Variants in TRPM3 observed in about 807,000 individuals in gnomAD.
TRPM3 encodes long transient receptor potential channel 3.
Under a neutral mutation model 181.2 loss-of-function variants are expected in TRPM3, and 77 were observed. The ratio of observed to expected loss-of-function variants is 0.42; its 90% CI spans 0.35 to 0.51. TRPM3 has a LOEUF of 0.51. Among genes scored for constraint, TRPM3 ranks in the 20% least tolerant of loss-of-function variants. The pLI, the probability that TRPM3 is intolerant of heterozygous loss-of-function variation, is 0.01. For synonymous variants in TRPM3, 745 were observed against 796.4 expected (o/e 0.94, Z 1.09); for missense variants, 1,759 against 2,196.7 (o/e 0.80, Z 3.98).
At chr9:71,106,204 C>T (rs2069512451) in intron 1 of TRPM3, among the ~76,000 whole-genome samples, 2 of 152,112 alleles carry the variant, frequency 1.3e-5, no homozygotes, top group African/African-American at 2.4e-5. Context: ...TTTCCTTTTG[C>T]TCAGTGATAC....
At chr9:71,335,048 A>G (rs996042828) in intron 1 of TRPM3, among the ~76,000 whole-genome samples, 20 of 152,162 alleles carry the variant, frequency 1.3e-4, no homozygotes, top group Non-Finnish European at 2.9e-4. Flanking sequence ...AAATGCCATA[A>G]TGGAATGAAA....
At chr9:71,354,861 G>GCAAAGGTAAGTAGAGGCCTCAAATC (rs2132689244) in intron 1 of TRPM3, among the ~76,000 whole-genome samples, 1 of 152,310 alleles carries the variant, frequency 6.6e-6, no homozygotes, top group Non-Finnish European at 1.5e-5. Flanking sequence ...CCACAAGGTG[G>GCAAAGGTAAGTAGAGGCCTCAAATC]CAAAGGTAAG....
At chr9:70,967,392 G>GTT (rs34568239) in intron 1 of TRPM3, among the ~76,000 whole-genome samples, 41 of 151,230 alleles carry the variant, frequency 2.7e-4, no homozygotes, top group East Asian at 2.5e-3. Flanking sequence ...CTCTAAATAT[G>GTT]TTTTTTTTTA....
chr9:70,744,311 A>G (rs1366318924), intron 8 of TRPM3, among the ~76,000 whole-genome samples: 1 of 146,026 alleles, frequency 6.8e-6, no homozygotes, highest in East Asian at 2.0e-4. Context: ...CTGGGTGACA[A>G]GAGCAAAATC....
At chr9:70,620,517 C>T (rs1202531158) in intron 15 of TRPM3, 152 bp from the exon 16 acceptor site, 1 of 806,024 alleles carries the variant, frequency 1.2e-6, no homozygotes, top group Non-Finnish European at 2.0e-6. Context: ...ACAAGCTCAT[C>T]CATGCCCAAC....
intron 1 of TRPM3, among the ~76,000 whole-genome samples, chr9:71,444,913 C>G (rs925564497): frequency 3.9e-5 from 6 of 152,194 alleles, no homozygotes; most frequent in Admixed American, 1.3e-4. Flanking sequence ...ACTTGCCATG[C>G]AATGTGAGAA....
At chr9:71,034,878 C>T (rs1286245288) in intron 1 of TRPM3, among the ~76,000 whole-genome samples, 1 of 151,716 alleles carries the variant, frequency 6.6e-6, no homozygotes, top group Non-Finnish European at 1.5e-5. Context: ...TGTATACATT[C>T]TAGAAATTTT....
chr9:70,780,039 T>C (rs2082160988), intron 7 of TRPM3, among the ~76,000 whole-genome samples: 1 of 152,184 alleles, frequency 6.6e-6, no homozygotes, highest in Admixed American at 6.5e-5. Flanking sequence ...TCTTTTTCTA[T>C]CCTAAGTAAT....
At chr9:71,435,075 T>C (rs990796877) in intron 1 of TRPM3, among the ~76,000 whole-genome samples, 2 of 152,192 alleles carry the variant, frequency 1.3e-5, no homozygotes, top group African/African-American at 2.4e-5. Context: ...AAAATTATTT[T>C]ACCTGTACAG....
intron 9 of TRPM3, among the ~76,000 whole-genome samples, chr9:70,649,426 C>G (rs1233978932): frequency 6.6e-6 from 1 of 152,094 alleles, no homozygotes; most frequent in Non-Finnish European, 1.5e-5. Flanking sequence ...TGACCTCAAG[C>G]AATCTGCTAG....
chr9:71,162,913 T>C (rs946341652), intron 1 of TRPM3, among the ~76,000 whole-genome samples: 1 of 152,090 alleles, frequency 6.6e-6, no homozygotes, highest in African/African-American at 2.4e-5. Flanking sequence ...AGGTTTCTTA[T>C]GGGAGGTGAT....
chr9:71,182,689 G>A (rs1327720601), intron 1 of TRPM3, among the ~76,000 whole-genome samples: 2 of 152,098 alleles, frequency 1.3e-5, no homozygotes, highest in Non-Finnish European at 2.9e-5. Context: ...TTTAGATGGA[G>A]TCTTGCTCTA....
intron 1 of TRPM3, among the ~76,000 whole-genome samples, chr9:71,289,016 C>A (rs1407039105): frequency 2.6e-5 from 4 of 152,118 alleles, no homozygotes; most frequent in Non-Finnish European, 5.9e-5. Flanking sequence ...ACTGGCTCAA[C>A]AGTCCCTCAT....
At chr9:71,213,860 T>C (rs1405224881) in intron 1 of TRPM3, among the ~76,000 whole-genome samples, 4 of 152,174 alleles carry the variant, frequency 2.6e-5, no homozygotes, top group Non-Finnish European at 5.9e-5. Flanking sequence ...AAGAATAACC[T>C]ACATATTTTT....
intron 7 of TRPM3, among the ~76,000 whole-genome samples, chr9:70,768,207 A>G (rs760100250): frequency 7.2e-5 from 11 of 152,142 alleles, no homozygotes; most frequent in Non-Finnish European, 1.3e-4. Context: ...TTAAAGTAAT[A>G]CTCCAACTAT....
intron 1 of TRPM3, among the ~76,000 whole-genome samples, chr9:71,293,703 A>G (rs1426387786): frequency 1.3e-5 from 2 of 151,958 alleles, no homozygotes; most frequent in African/African-American, 4.8e-5. Flanking sequence ...AGGATGTTTC[A>G]AATAACTTGA....
intron 1 of TRPM3, among the ~76,000 whole-genome samples, chr9:71,427,257 T>G (rs551645391): frequency 2.6e-5 from 4 of 152,330 alleles, no homozygotes; most frequent in African/African-American, 9.6e-5. Flanking sequence ...TTTTTATAAC[T>G]GAGGGGTTCT....
At chr9:71,141,808 C>A (rs2134547612) in intron 1 of TRPM3, among the ~76,000 whole-genome samples, 1 of 152,250 alleles carries the variant, frequency 6.6e-6, no homozygotes, top group Middle Eastern at 3.4e-3. Context: ...TGTTGTCTTG[C>A]AAAATCTCAA....
intron 1 of TRPM3, among the ~76,000 whole-genome samples, chr9:71,228,974 A>C (rs1397730081): frequency 6.6e-6 from 1 of 152,114 alleles, no homozygotes; most frequent in African/African-American, 2.4e-5. Context: ...AGATCAAAAA[A>C]TTTGTGTGGA....
Sources: gnomAD v4.1 joint callset for allele counts (sites outside exome capture counted in the v4.1 genomes callset) on GRCh38, gnomAD v4.1.1 for gene constraint, MANE v1.5 for transcripts, NCBI Gene and HGNC (gene_info 2026-07-23, HGNC 2026-07-21) for gene names.